The following CNKSR2 variants were observed in gnomAD, a reference collection of about 807,000 sequenced individuals.
CNKSR2 encodes the protein CNK homolog protein 2.
CNKSR2 carries 14 observed loss-of-function variants against 84.4 expected under a neutral mutation model. The observed-to-expected ratio is 0.17, with a 90% CI of 0.11 to 0.26. The LOEUF is 0.26. CNKSR2 is among the 10% of genes least tolerant of loss of function. The pLI is 1.00. For missense variants in CNKSR2, 485 were observed against 771.2 expected, an observed-to-expected ratio of 0.63 and a Z score of 4.40; for synonymous variants, 275 against 277.9, an observed-to-expected ratio of 0.99 and a Z score of 0.10.
At chrX:21,548,741 T>A (rs1348066498) in intron 11 of CNKSR2, among the ~76,000 whole-genome samples, 2 of 111,999 alleles carry the variant, frequency 1.8e-5, no homozygotes, top group Admixed American at 1.9e-4. Context: ...GTCGGCTTCA[T>A]CCCTGGGATG....
intron 11 of CNKSR2, among the ~76,000 whole-genome samples, chrX:21,533,941 C>T (rs1332007866): frequency 1.8e-5 from 2 of 110,665 alleles, no homozygotes; most frequent in Admixed American, 9.6e-5. Flanking sequence ...TGGGAACATT[C>T]GAAATCTTCT....
chrX:21,374,690 T>A lies in CNKSR2; in HGVS notation c.-208T>A. The A allele has an allele frequency of 2.0e-6, 1 of 510,153 alleles. No individual in the cohort carries two copies. Among genetic ancestry groups the A allele is most frequent in the Non-Finnish European group, 3.5e-6 (1 of 284,269 alleles). The allele number at this position is 510,153 out of a possible 1,213,427, so 42.0% of individuals were successfully genotyped here. On this transcript the variant is annotated 5_prime_UTR_variant, in exon 1 of 22. Transcript: ENST00000379510. ...AGACCCGGCGCGGAGCCACGACTCC[T>A]GCACGTTTACCTCCCTGTCGCCGTT...
chrX:21,558,407 C>G (rs1468150033), intron 11 of CNKSR2, among the ~76,000 whole-genome samples: 1 of 110,854 alleles, frequency 9.0e-6, no homozygotes, highest in East Asian at 2.8e-4. Flanking sequence ...ATTTGCATTG[C>G]TGAATCTATG....
At chrX:21,571,348 A>G (rs777620650) in intron 13 of CNKSR2, among the ~76,000 whole-genome samples, 1 of 112,378 alleles carries the variant, frequency 8.9e-6, no homozygotes, top group South Asian at 3.7e-4. Context: ...CATTCAGCAC[A>G]AGATTGCCAG....
chrX:21,454,155 A>G (rs2090969818), intron 4 of CNKSR2, among the ~76,000 whole-genome samples: 1 of 111,736 alleles, frequency 8.9e-6, no homozygotes, highest in African/African-American at 3.3e-5. Flanking sequence ...CTTCCAAAAT[A>G]TGACACCAGA....
chrX:21,554,759 G>C (rs1251822031), intron 11 of CNKSR2, among the ~76,000 whole-genome samples: 3 of 111,333 alleles, frequency 2.7e-5, no homozygotes, highest in Non-Finnish European at 5.7e-5. Context: ...TTGATTCCAT[G>C]TCTTTGCTAT....
intron 1 of CNKSR2, among the ~76,000 whole-genome samples, chrX:21,395,023 T>C (rs1444797709): frequency 4.5e-5 from 5 of 111,831 alleles, no homozygotes; most frequent in African/African-American, 1.6e-4. Context: ...TTGAGGACAA[T>C]TGAGAAGCAT....
chrX:21,637,496 C>T (rs887520253), intron 20 of CNKSR2: 8 of 111,431 alleles, frequency 7.2e-5, no homozygotes, highest in Non-Finnish European at 1.3e-4. Context: ...GAAAATTTTG[C>T]TTCACATTCA....
chrX:21,450,140 T>C (rs571477910), intron 4 of CNKSR2, among the ~76,000 whole-genome samples: 1 of 111,200 alleles, frequency 9.0e-6, no homozygotes, highest in South Asian at 3.8e-4. Flanking sequence ...TGCTGGAATA[T>C]GACTGGTAGG....
intron 1 of CNKSR2, among the ~76,000 whole-genome samples, chrX:21,401,508 T>C (rs1358655801): frequency 1.8e-5 from 2 of 111,670 alleles, no homozygotes; most frequent in Admixed American, 1.9e-4. Context: ...ATGGCCCATT[T>C]TTCCCCTTTC....
intron 11 of CNKSR2, among the ~76,000 whole-genome samples, chrX:21,536,915 T>A (rs1222952732): frequency 1.8e-5 from 2 of 109,592 alleles, no homozygotes; most frequent in African/African-American, 6.6e-5. Context: ...TTGATTTATT[T>A]TTGCTTTTCT....
At chrX:21,534,256 G>T (rs2091908869) in intron 11 of CNKSR2, among the ~76,000 whole-genome samples, 1 of 110,185 alleles carries the variant, frequency 9.1e-6, no homozygotes, top group African/African-American at 3.3e-5. Flanking sequence ...TGCAGCAAAT[G>T]ATAAGATTTC....
At position 21,598,051 on chromosome X, in the gene CNKSR2, T is replaced by C. The variant is rs954347053; in HGVS notation, c.1976+2656T>C. Among the ~76,000 whole-genome samples the C allele has an allele frequency of 3.7e-5, 4 of 108,823 alleles. No individual in the cohort carries two copies. In the East Asian group the frequency reaches 8.6e-4, roughly 23 times the overall value. The allele number at this position is 108,823 out of a possible 115,157, so 94.5% of individuals were successfully genotyped here. ...TACACACACACACACACAACAAATA[T>C]TTATATATGTGTATACATACACATA... On this transcript the variant is annotated intron_variant, in intron 17 of 21. Transcript: ENST00000379510.
At chrX:21,411,660 C>T (rs1482037970) in intron 1 of CNKSR2, among the ~76,000 whole-genome samples, 1 of 110,877 alleles carries the variant, frequency 9.0e-6, no homozygotes, top group Non-Finnish European at 1.9e-5. Context: ...AACTCCCAGT[C>T]ATCTCTAGAC....
At chrX:21,540,809 G>A (rs1202810569) in intron 11 of CNKSR2, among the ~76,000 whole-genome samples, 2 of 111,967 alleles carry the variant, frequency 1.8e-5, no homozygotes, top group Non-Finnish European at 3.8e-5. Flanking sequence ...AGAAGCAAAA[G>A]CGATATGACA....
intron 10 of CNKSR2, among the ~76,000 whole-genome samples, chrX:21,528,355 A>G (rs569721678): frequency 1.8e-5 from 2 of 111,437 alleles, no homozygotes; most frequent in Admixed American, 1.9e-4. Context: ...CAGAGCAAAT[A>G]ATTATTTAAA....
At chrX:21,469,740 A>G (rs959406286) in intron 4 of CNKSR2, among the ~76,000 whole-genome samples, 2 of 110,044 alleles carry the variant, frequency 1.8e-5, no homozygotes, top group African/African-American at 6.6e-5. Context: ...GAGAAACCCC[A>G]TCTCTACTAA....
intron 2 of CNKSR2, chrX:21,427,274 T>C: frequency 9.1e-6 from 1 of 110,157 alleles, no homozygotes; most frequent in Middle Eastern, 4.8e-3. Context: ...TTAAACACCA[T>C]TTTTTTTTCT....
chrX:21,618,522 T>C (rs1329698788), intron 20 of CNKSR2, among the ~76,000 whole-genome samples: 1 of 112,214 alleles, frequency 8.9e-6, no homozygotes, highest in Admixed American at 9.5e-5. Flanking sequence ...TTTGTTTTTA[T>C]TACAAACACA....
Sources: gnomAD v4.1 joint callset for allele counts (sites outside exome capture counted in the v4.1 genomes callset) on GRCh38, gnomAD v4.1.1 for gene constraint, MANE v1.5 for transcripts, NCBI Gene and HGNC (gene_info 2026-07-23, HGNC 2026-07-21) for gene names.